CRTC3: variants seen among roughly 807,000 people sequenced by gnomAD.
CRTC3 encodes the protein CREB-regulated transcription coactivator 3.
A neutral mutation model predicts 74.5 loss-of-function variants in CRTC3; 26 were observed. The observed-to-expected ratio is 0.35, with a 90% CI of 0.26 to 0.48. The LOEUF is 0.48. CRTC3 is among the 20% of genes least tolerant of loss of function. CRTC3 has a pLI of 0.99. For synonymous variants in CRTC3, 377 were observed against 325.8 expected, an observed-to-expected ratio of 1.16 and a Z score of -1.69; for missense variants, 760 against 787.3, an observed-to-expected ratio of 0.97 and a Z score of 0.41.
At chr15:90,574,918 A>G (rs1967368203) in intron 2 of CRTC3, among the ~76,000 whole-genome samples, 1 of 152,142 alleles carries the variant, frequency 6.6e-6, no homozygotes, top group African/African-American at 2.4e-5. Flanking sequence ...GATTTTTAGG[A>G]GTTTTTATAT....
At chr15:90,641,345 G>T in intron 14 of CRTC3, 146 bp downstream of exon 14, 2 of 628,384 alleles carry the variant, frequency 3.2e-6, no homozygotes, top group South Asian at 3.8e-5. Flanking sequence ...AGATGCAGGT[G>T]TCCAGCCTCA....
rs749870932 is a variant in CRTC3 at position 90,641,085 on chromosome 15, C to T, written c.1549-12C>T. 53 of 1,588,682 alleles carry T rather than the reference C, an allele frequency of 3.3e-5. 1 individual carries two copies. In the Admixed American group the frequency reaches 7.0e-4, roughly 21 times the overall value. The stretch of plus-strand genomic sequence containing the variant: ...GGTGTGGCCTTCCTCACATGACCTT[C>T]GATGCTTCCAGGTGCCTCTGGTGCA... On this transcript the variant is annotated splice_polypyrimidine_tract_variant and intron_variant, in intron 13 of 14. Coordinates refer to ENST00000268184, the MANE Select transcript of CRTC3 (RefSeq NM_022769.5).
intron 2 of CRTC3, among the ~76,000 whole-genome samples, chr15:90,562,261 T>A (rs1967028275): frequency 1.3e-5 from 2 of 152,204 alleles, no homozygotes; most frequent in Non-Finnish European, 1.5e-5. Flanking sequence ...ACACGAACAG[T>A]TACTGAGTAC....
At chr15:90,616,834 C>T (rs188992448) in intron 7 of CRTC3, among the ~76,000 whole-genome samples, 72 of 152,328 alleles carry the variant, frequency 4.7e-4, no homozygotes, top group Admixed American at 1.6e-3. Flanking sequence ...ACAGCCGTCC[C>T]GGCAGCTGCC....
chr15:90,606,391 G>A (rs888780176), intron 5 of CRTC3, among the ~76,000 whole-genome samples: 13 of 152,098 alleles, frequency 8.5e-5, no homozygotes, highest in African/African-American at 2.2e-4. Context: ...GTGAAACCCC[G>A]TCTCTACTAA....
At chr15:90,562,128 C>G (rs952578830) in intron 2 of CRTC3, among the ~76,000 whole-genome samples, 3 of 152,232 alleles carry the variant, frequency 2.0e-5, no homozygotes, top group Non-Finnish European at 4.4e-5. Context: ...CCATTTTCTC[C>G]TGTAACCTCT....
chr15:90,542,642 C>G (rs1430572111), intron 2 of CRTC3, among the ~76,000 whole-genome samples: 2 of 152,180 alleles, frequency 1.3e-5, no homozygotes, highest in African/African-American at 4.8e-5. Context: ...ACAATCTGAT[C>G]TTCAGACTGC....
chr15:90,604,502 A>C (rs1968165557), intron 5 of CRTC3, 55 bp downstream of exon 5: 2 of 1,344,304 alleles, frequency 1.5e-6, no homozygotes, highest in Admixed American at 1.7e-5. Flanking sequence ...AACTGTCCTG[A>C]TATTTTTTAC....
intron 2 of CRTC3, among the ~76,000 whole-genome samples, chr15:90,566,742 G>C (rs1480773460): frequency 2.9e-5 from 4 of 140,290 alleles, no homozygotes; most frequent in Non-Finnish European, 1.5e-5. Context: ...ACAGAGTCTT[G>C]CTCTGTCGCC....
chr15:90,586,456 C>T lies in CRTC3; in HGVS notation c.232-7180C>T, dbSNP rs148434728. 2.4e-3 allele frequency among the ~76,000 whole-genome samples: 363 copies of T among 151,034 alleles called. 1 individual carries two copies. The highest frequency in any genetic ancestry group is 3.9e-3 in the Non-Finnish European group (266 of 67,708). ...ATCTCAGCTCACTGCAACCTCTGCC[C>T]CCTGGGTTCGAGCAATTCTTCTGCC... On this transcript the variant is annotated intron_variant, in intron 2 of 14. Transcript: ENST00000268184.
At chr15:90,632,622 T>G (rs1043517535) in intron 11 of CRTC3, among the ~76,000 whole-genome samples, 7 of 152,132 alleles carry the variant, frequency 4.6e-5, no homozygotes, top group Non-Finnish European at 7.4e-5. Flanking sequence ...ATTATTATTT[T>G]GAGACAGAGT....
rs1405627240 is a variant in CRTC3 at position 90,530,045 on chromosome 15, C to T, written c.-27C>T. ...TACAGGCCCCACGGCCGCCGTCTCCCGCTTCTGCCCGCGCAGAGTCCGCGC... is the reference window on the plus strand; with the variant it reads ...TACAGGCCCCACGGCCGCCGTCTCCTGCTTCTGCCCGCGCAGAGTCCGCGC... On this transcript the variant is annotated 5_prime_UTR_variant, in exon 1 of 15. Coordinates refer to ENST00000268184, the MANE Select transcript of CRTC3 (RefSeq NM_022769.5). The surrounding 1 kb of genome is among the most constrained non-coding windows in gnomAD (Gnocchi z 6.2). 4.3e-6 allele frequency: 6 copies of T among 1,398,328 alleles called. No homozygotes were observed. Among genetic ancestry groups the T allele is most frequent in the Non-Finnish European group, 5.7e-6 (6 of 1,059,418 alleles). The allele number at this position is 1,398,328 out of a possible 1,614,324, so 86.6% of individuals were successfully genotyped here.
intron 2 of CRTC3, among the ~76,000 whole-genome samples, chr15:90,544,715 A>T (rs1419555776): frequency 6.6e-6 from 1 of 152,236 alleles, no homozygotes; most frequent in Non-Finnish European, 1.5e-5. Context: ...CTGTTCTCCA[A>T]AGTGGCTCTA....
intron 2 of CRTC3, among the ~76,000 whole-genome samples, chr15:90,585,011 C>T (rs1276947220): frequency 1.3e-5 from 2 of 152,162 alleles, no homozygotes; most frequent in African/African-American, 2.4e-5. Context: ...CTGGAGCCAA[C>T]GTCAATTTGT....
In CRTC3 at chr15:90,629,558, A is replaced by G. The variant is rs1968963954; in HGVS notation, c.1266+26A>G. The stretch of plus-strand genomic sequence containing the variant: ...GTAAACACACACAGACAGACCAACC[A>G]CTACAGTGAAACAGACTGCAAGATA... On this transcript the variant is annotated intron_variant, in intron 11 of 14. Transcript: ENST00000268184. 1.5e-5 allele frequency: 24 copies of G among 1,608,444 alleles called. No individual in the cohort carries two copies. In the East Asian group the frequency reaches 5.1e-4, roughly 34 times the overall value.
intron 13 of CRTC3, 66 bp from the exon 14 acceptor site, chr15:90,641,031 G>T: frequency 2.0e-6 from 2 of 1,024,154 alleles, no homozygotes; most frequent in Admixed American, 3.6e-5. Context: ...GGAGCACATT[G>T]CAATACTCAC....
rs748369950 is a variant in CRTC3, at chr15:90,641,111, A to G, written c.1563A>G (p.Gln521=). 6 of 1,613,580 alleles carry G rather than the reference A, an allele frequency of 3.7e-6. No homozygotes were observed. The Admixed American group carries it at 5.0e-5, about 13-fold the overall frequency. The change falls in exon 14 of 15, where the codon CAA becomes CAG. Residue 521 remains glutamine, a synonymous_variant. Transcript: ENST00000268184. ...GATGCTTCCAGGTGCCTCTGGTGCA[A>G]CAAGGTTCCCGAGAACTGCAGGACT... is the stretch of plus-strand genomic sequence containing the variant. ...PAFPQQVPLV[Q]QGSRELQDSF...
intron 2 of CRTC3, among the ~76,000 whole-genome samples, chr15:90,565,867 TCC>T (rs1011389366): frequency 6.6e-6 from 1 of 152,130 alleles, no homozygotes; most frequent in African/African-American, 2.4e-5. Context: ...GCCTCCCTCT[TCC>T]CTGAGATAAC....
intron 9 of CRTC3, among the ~76,000 whole-genome samples, chr15:90,623,282 C>T (rs949446783): frequency 6.6e-6 from 1 of 152,226 alleles, no homozygotes; most frequent in Non-Finnish European, 1.5e-5. Flanking sequence ...CATGCCCTGG[C>T]TGCCACCTCT....
Sources: gnomAD v4.1 joint callset for allele counts (sites outside exome capture counted in the v4.1 genomes callset) on GRCh38, gnomAD v4.1.1 for gene constraint, Gnocchi (gnomAD v3.1) non-coding constraint, MANE v1.5 for transcripts, NCBI Gene and HGNC (gene_info 2026-07-23, HGNC 2026-07-21) for gene names.